Variants in ZNF76 observed in about 807,000 individuals in gnomAD.
The protein encoded by ZNF76 is zinc finger protein 523.
A neutral mutation model predicts 66.9 loss-of-function variants in ZNF76; 66 were observed. The observed-to-expected ratio is 0.99, with a 90% CI of 0.81 to 1.21. The LOEUF is 1.21. Among genes scored for constraint, ZNF76 ranks in the 50% most tolerant of loss-of-function variants. The pLI, the probability that ZNF76 is intolerant of heterozygous loss-of-function variation, is 0.00. For missense variants in ZNF76, 729 were observed against 760.3 expected (o/e 0.96, Z 0.48); for synonymous variants, 275 against 296.1 (o/e 0.93, Z 0.73).
intron 1 of ZNF76, among the ~76,000 whole-genome samples, chr6:35,271,293 T>C (rs1787021830): frequency 6.6e-6 from 1 of 152,254 alleles, no homozygotes; most frequent in Non-Finnish European, 1.5e-5. Context: ...CATAGAGATT[T>C]TGCCAATATG....
In ZNF76 at chr6:35,283,074, G is replaced by A. The variant is rs539534692; in HGVS notation, c.73+1850G>A. 5.3e-5 allele frequency among the ~76,000 whole-genome samples: 8 copies of A among 152,234 alleles called. No homozygotes were observed. In the South Asian group the frequency reaches 6.2e-4, roughly 12 times the overall value. Reference sequence around the variant, plus strand: ...TACTCCTTGGACCCAGTTAGTTCCCGTGCCTCAGTCTTCCACTGAGAATTA... The same window carrying A: ...TACTCCTTGGACCCAGTTAGTTCCCATGCCTCAGTCTTCCACTGAGAATTA... On this transcript the variant is annotated intron_variant, in intron 2 of 13. Coordinates refer to ENST00000373953, the MANE Select transcript of ZNF76 (RefSeq NM_003427.5).
chr6:35,281,382 A>T (rs907348622), intron 2 of ZNF76, among the ~76,000 whole-genome samples, 158 bp downstream of exon 2: 1 of 152,168 alleles, frequency 6.6e-6, no homozygotes, highest in African/African-American at 2.4e-5. Flanking sequence ...GTGGTGCTTG[A>T]TGAAAAGGGA....
At chr6:35,294,081 T>G in intron 12 of ZNF76, 166 bp downstream of exon 12, 1 of 772,534 alleles carries the variant, frequency 1.3e-6, no homozygotes, top group East Asian at 2.7e-5. Context: ...GCTCTTACCT[T>G]TAAAAGCAGT....
At chr6:35,270,803 TG>T (rs1423136954) in intron 1 of ZNF76, among the ~76,000 whole-genome samples, 1 of 152,140 alleles carries the variant, frequency 6.6e-6, no homozygotes, top group African/African-American at 2.4e-5. Context: ...GTGATCCGAC[TG>T]CTTCAGCCTC....
In ZNF76 at chr6:35,292,293, A is replaced by C. The variant is rs1582193285; in HGVS notation, c.932-261A>C. The C allele has an allele frequency of 1.9e-6, 1 of 529,776 alleles. No homozygotes were observed. Among genetic ancestry groups the C allele is most frequent in the Non-Finnish European group, 3.4e-6 (1 of 292,242 alleles). The allele number at this position is 529,776 out of a possible 1,614,324, so 32.8% of individuals were successfully genotyped here. ...AACCTTATAAGCCCCAGTGCCCCCT[A>C]CCAGCCCCTTCACTAGCCCCAGCCT... is the stretch of plus-strand genomic sequence containing the variant. On this transcript the variant is annotated intron_variant, in intron 9 of 13. Transcript: ENST00000373953. The surrounding 1 kb of genome is among the most constrained non-coding windows in gnomAD (Gnocchi z 4.7).
upstream of ZNF76, chr6:35,259,600 C>G (rs1784871390): frequency 6.6e-6 from 1 of 152,018 alleles, no homozygotes; most frequent in Non-Finnish European, 1.5e-5. Flanking sequence ...AGTTGGATGG[C>G]TGCCGCGGCG....
intron 1 of ZNF76, among the ~76,000 whole-genome samples, chr6:35,263,349 T>C (rs550757798): frequency 6.5e-4 from 99 of 152,322 alleles, no homozygotes; most frequent in Non-Finnish European, 1.2e-3. Flanking sequence ...CAGAGTAGAA[T>C]GCTTTGGGTG....
intron 1 of ZNF76, among the ~76,000 whole-genome samples, chr6:35,262,748 A>G (rs1315926677): frequency 6.6e-6 from 1 of 152,166 alleles, no homozygotes; most frequent in Non-Finnish European, 1.5e-5. Flanking sequence ...TGATGTGACT[A>G]GCTTCAATGG....
intron 4 of ZNF76, 93 bp downstream of exon 4, chr6:35,286,492 G>C: frequency 8.4e-7 from 1 of 1,193,196 alleles, no homozygotes; most frequent in Non-Finnish European, 1.2e-6. Context: ...CACACAACTG[G>C]GGTGTAGACA....
At chr6:35,294,403 G>C (rs1790878070) in intron 12 of ZNF76, 53 bp from the exon 13 acceptor site, 1 of 1,207,560 alleles carries the variant, frequency 8.3e-7, no homozygotes, top group East Asian at 2.3e-5. Context: ...TTTGGATTGT[G>C]GGGAGGGAGA....
intron 1 of ZNF76, among the ~76,000 whole-genome samples, chr6:35,270,021 T>C (rs1243602144): frequency 6.6e-6 from 1 of 152,252 alleles, no homozygotes; most frequent in Non-Finnish European, 1.5e-5. Flanking sequence ...TCCTCATGTA[T>C]GGAGAATCAT....
rs1237828498 is a variant in ZNF76 at position 35,295,163 on chromosome 6, T to C, written c.1628T>C (p.Leu543Ser). The C allele has an allele frequency of 6.2e-7, 1 of 1,612,536 alleles. No homozygotes were observed. Among genetic ancestry groups the C allele is most frequent in the Non-Finnish European group, 8.5e-7 (1 of 1,179,328 alleles). ...IAVQLEEQQT[L>S]EEAINVATAA... ...CCACAGCTGGAGGAACAGCAGACCT[T>C]AGAGGAGGCCATCAATGTGGCCACT... The change falls in exon 14 of 14, where the codon TTA (leucine) becomes TCA (serine). Residue 543 changes from leucine to serine, a missense_variant. Transcript: ENST00000373953.
chr6:35,289,826 T>C (rs544007881), intron 5 of ZNF76, among the ~76,000 whole-genome samples: 250 of 152,270 alleles, frequency 1.6e-3, no homozygotes, highest in Middle Eastern at 3.4e-3. Flanking sequence ...TTTTAAGCAC[T>C]AGTTTCGTGC....
At position 35,287,620 on chromosome 6, in the gene ZNF76, C is replaced by T. The variant is rs752964106; in HGVS notation, c.233-26C>T. Reference sequence around the variant, plus strand: ...TGTATCTCTTCCCCTTGTGTGGCATCAGGGCTAACCGCGTGTTCCCTGCAG... The same window carrying T: ...TGTATCTCTTCCCCTTGTGTGGCATTAGGGCTAACCGCGTGTTCCCTGCAG... On this transcript the variant is annotated intron_variant, in intron 4 of 13. Coordinates refer to ENST00000373953, the MANE Select transcript of ZNF76 (RefSeq NM_003427.5). This position sits in a 1 kb window ranked among gnomAD's most constrained non-coding sequence, Gnocchi z 4.0. 8.3e-6 allele frequency: 13 copies of T among 1,574,894 alleles called. No homozygotes were observed. In the South Asian group the frequency reaches 1.4e-4, roughly 17 times the overall value.
chr6:35,282,959 TC>T (rs1198818720), intron 2 of ZNF76, among the ~76,000 whole-genome samples: 1 of 152,178 alleles, frequency 6.6e-6, no homozygotes, highest in African/African-American at 2.4e-5. Context: ...CCTGAAACTC[TC>T]TGTTTGCAGA....
Position 35,292,892 on chromosome 6 carries a change from G to A in ZNF76, c.1177G>A (p.Ala393Thr). 6.2e-7 allele frequency: 1 copy of A among 1,614,218 alleles called. No homozygotes were observed. Among genetic ancestry groups the A allele is most frequent in the East Asian group, 2.2e-5 (1 of 44,888 alleles). ...CTCTCCTCTCCCAGCCGCCTCTGCA[G>A]CCGAGGAGAGTCCGCCACCCAAACG... ...EQQQLEAASAAEESPPPKRPR... is the reference protein window; with the variant it reads ...EQQQLEAASATEESPPPKRPR... Residue 393 changes from alanine to threonine, a missense_variant, in exon 11 of 14, where the codon GCC becomes ACC. Physicochemically the swap from Ala to Thr is moderately conservative, Grantham distance 58. Transcript: ENST00000373953. The surrounding 1 kb of genome is among the most constrained non-coding windows in gnomAD (Gnocchi z 4.7).
chr6:35,279,644 GT>G (rs1484203661), intron 1 of ZNF76: 2 of 151,766 alleles, frequency 1.3e-5, no homozygotes, highest in Non-Finnish European at 2.9e-5. Flanking sequence ...AGCCAGGATG[GT>G]CTCAATCTCC....
chr6:35,277,005 G>T (rs111587195), intron 1 of ZNF76, among the ~76,000 whole-genome samples: 2 of 150,254 alleles, frequency 1.3e-5, no homozygotes, highest in Admixed American at 1.3e-4. Context: ...CACCATGTTG[G>T]TCAGGCTGGT....
intron 2 of ZNF76, among the ~76,000 whole-genome samples, chr6:35,285,483 A>C (rs1470635762): frequency 6.6e-6 from 1 of 152,194 alleles, no homozygotes; most frequent in Non-Finnish European, 1.5e-5. Context: ...TTTAACCCTA[A>C]CAGCAACCCT....
Sources: gnomAD v4.1 joint callset for allele counts (sites outside exome capture counted in the v4.1 genomes callset) on GRCh38, gnomAD v4.1.1 for gene constraint, Gnocchi (gnomAD v3.1) non-coding constraint, MANE v1.5 for transcripts, NCBI Gene and HGNC (gene_info 2026-07-23, HGNC 2026-07-21) for gene names.